CHODL: variants seen among roughly 807,000 people sequenced by gnomAD.
CHODL encodes the protein chondrolectin, also known as transmembrane protein MT75.
CHODL carries 29 observed loss-of-function variants against 34.5 expected under a neutral mutation model. The ratio of observed to expected loss-of-function variants is 0.84; its 90% CI spans 0.63 to 1.15. CHODL has a LOEUF of 1.15. CHODL is among the 50% of genes most tolerant of loss of function. The pLI is 0.00. For missense variants in CHODL, 332 were observed against 332.5 expected (o/e 1.00, Z 0.01); for synonymous variants, 125 against 116.1 (o/e 1.08, Z -0.49).
chr21:18,174,013 T>C (rs1297583455), intron 2 of CHODL, among the ~76,000 whole-genome samples: 1 of 142,984 alleles, frequency 7.0e-6, no homozygotes, highest in Non-Finnish European at 1.6e-5. Flanking sequence ...CCAAAATACC[T>C]TCAAACAGAA....
At chr21:18,094,960 C>T (rs1035353740) in intron 2 of CHODL, among the ~76,000 whole-genome samples, 2 of 151,924 alleles carry the variant, frequency 1.3e-5, no homozygotes, top group African/African-American at 2.4e-5. Flanking sequence ...CCCATCTCTA[C>T]TAAAAATAAA....
At chr21:18,247,519 G>C (rs903713336) in intron 1 of CHODL, among the ~76,000 whole-genome samples, 5 of 151,932 alleles carry the variant, frequency 3.3e-5, no homozygotes, top group African/African-American at 1.2e-4. Flanking sequence ...AAAGTTTAGA[G>C]CATTACCTAA....
At chr21:17,962,111 A>G (rs1187377727) in intron 1 of CHODL, among the ~76,000 whole-genome samples, 5 of 152,174 alleles carry the variant, frequency 3.3e-5, no homozygotes, top group Non-Finnish European at 7.3e-5. Context: ...CAGGGGCTAA[A>G]TGTTTAGGGA....
chr21:18,051,177 G>A (rs1411173668), intron 2 of CHODL, among the ~76,000 whole-genome samples: 1 of 151,914 alleles, frequency 6.6e-6, no homozygotes. Context: ...GAACATGGCG[G>A]TGTTGGGTTT....
chr21:18,060,323 T>C (rs961752876), intron 2 of CHODL, among the ~76,000 whole-genome samples: 2 of 151,934 alleles, frequency 1.3e-5, no homozygotes, highest in Admixed American at 6.6e-5. Context: ...AGCATGGTGG[T>C]GCACGTCTGT....
chr21:18,149,685 C>A (rs1299415937), intron 2 of CHODL, among the ~76,000 whole-genome samples: 2 of 152,170 alleles, frequency 1.3e-5, no homozygotes, highest in African/African-American at 4.8e-5. Flanking sequence ...AGGAGAATTG[C>A]ACCTGTCTTG....
intron 1 of CHODL, among the ~76,000 whole-genome samples, chr21:17,939,187 T>C (rs1718243796): frequency 6.6e-6 from 1 of 152,206 alleles, no homozygotes; most frequent in South Asian, 2.1e-4. Context: ...TTAGAGCTTA[T>C]TTGTCTTGCT....
intron 2 of CHODL, among the ~76,000 whole-genome samples, chr21:18,138,898 A>C (rs2072768874): frequency 6.6e-6 from 1 of 152,108 alleles, no homozygotes; most frequent in South Asian, 2.1e-4. Flanking sequence ...CTGATGTTTC[A>C]TTTCTTGGAG....
At chr21:18,252,899 T>C (rs1458550332) in intron 1 of CHODL, among the ~76,000 whole-genome samples, 1 of 152,038 alleles carries the variant, frequency 6.6e-6, no homozygotes, top group Non-Finnish European at 1.5e-5. Flanking sequence ...ACTGCTCTAT[T>C]ATCCACAACC....
chr21:18,125,965 C>T (rs1234038554), intron 2 of CHODL, among the ~76,000 whole-genome samples: 2 of 152,184 alleles, frequency 1.3e-5, no homozygotes, highest in Non-Finnish European at 2.9e-5. Context: ...ACAGGGAAAT[C>T]TTTCATGAAA....
intron 2 of CHODL, among the ~76,000 whole-genome samples, chr21:18,102,645 G>T (rs2065229483): frequency 6.6e-6 from 1 of 152,122 alleles, no homozygotes; most frequent in African/African-American, 2.4e-5. Flanking sequence ...TAGCTCTAAA[G>T]AAATACCTAT....
At chr21:18,162,550 C>T (rs1030859553) in intron 2 of CHODL, among the ~76,000 whole-genome samples, 2 of 151,972 alleles carry the variant, frequency 1.3e-5, no homozygotes, top group African/African-American at 4.8e-5. Context: ...CACACTATTC[C>T]ACTATAACTT....
intron 2 of CHODL, among the ~76,000 whole-genome samples, chr21:18,090,956 AG>A (rs1331615169): frequency 6.6e-6 from 1 of 152,216 alleles, no homozygotes; most frequent in African/African-American, 2.4e-5. Flanking sequence ...AGGACAAAAC[AG>A]GCATCTTGAA....
At chr21:18,045,105 C>T (rs2064426000) in intron 2 of CHODL, among the ~76,000 whole-genome samples, 1 of 151,822 alleles carries the variant, frequency 6.6e-6, no homozygotes, top group African/African-American at 2.4e-5. Context: ...ATAGTGTAAT[C>T]AAGGAAGGAC....
intron 2 of CHODL, among the ~76,000 whole-genome samples, chr21:18,164,652 T>C (rs1413195463): frequency 1.3e-5 from 2 of 152,142 alleles, no homozygotes; most frequent in African/African-American, 4.8e-5. Context: ...ATCCTAATGA[T>C]TCTCAAGTTT....
At chr21:18,162,138 A>C (rs1253470238) in intron 2 of CHODL, among the ~76,000 whole-genome samples, 2 of 152,320 alleles carry the variant, frequency 1.3e-5, no homozygotes, top group East Asian at 3.9e-4. Flanking sequence ...TAATGCCATG[A>C]AATGATTTTG....
chr21:18,036,173 AAG>A (rs2064307451), intron 2 of CHODL, among the ~76,000 whole-genome samples: 1 of 151,988 alleles, frequency 6.6e-6, no homozygotes, highest in Non-Finnish European at 1.5e-5. Flanking sequence ...CTTTATTACT[AAG>A]GCAATACCTT....
At chr21:18,248,389 G>C (rs2074169771) in intron 1 of CHODL, among the ~76,000 whole-genome samples, 1 of 151,216 alleles carries the variant, frequency 6.6e-6, no homozygotes, top group Non-Finnish European at 1.5e-5. Context: ...AGTTTTCAGA[G>C]ATGCAATTAC....
Position 18,232,941 on chromosome 21 carries a change from T to TTTTATATATATATATATA in CHODL, c.-44-23568_-44-23567insTTTATATATATATATATA, listed in dbSNP as rs752640406. Among the ~76,000 whole-genome samples the TTTTATATATATATATATA allele has an allele frequency of 8.5e-3, 825 of 97,452 alleles. 15 individuals are homozygous for TTTTATATATATATATATA. The highest frequency in any genetic ancestry group is 0.032 in the South Asian group (98 of 3,032). 63.9% of individuals were successfully genotyped at this position (97,452 alleles called of 152,430 possible). On this transcript the variant is annotated intron_variant, in intron 2 of 6. Transcript: ENST00000400127. ...TAATTATGGGGTCCACATGATGTTA[T>TTTTATATATATATATATA]GATATATATATATATATATATATAT...
Sources: allele counts gnomAD v4.1 joint callset (sites outside exome capture counted in the v4.1 genomes callset), GRCh38; gene constraint gnomAD v4.1.1; transcripts MANE v1.5; gene names NCBI Gene and HGNC (gene_info 2026-07-23, HGNC 2026-07-21).